RAD18: variants seen among roughly 807,000 people sequenced by gnomAD.
RAD18 encodes RAD18 E3 ubiquitin protein ligase, also known as E3 ubiquitin-protein ligase RAD18.
In RAD18, 47 loss-of-function variants were observed where a neutral mutation model predicts 60.4. That is an observed-to-expected ratio of 0.78 (90% confidence interval 0.62 to 0.99). The LOEUF (loss-of-function observed/expected upper bound fraction) is 0.99, where lower values mean the gene tolerates loss of function less well. Among genes scored for constraint, RAD18 ranks in the 50% least tolerant of loss-of-function variants. RAD18 has a pLI of 0.00. For synonymous variants in RAD18, 225 were observed against 195.5 expected (o/e 1.15, Z -1.26); for missense variants, 640 against 593.3 (o/e 1.08, Z -0.82).
intron 11 of RAD18, among the ~76,000 whole-genome samples, chr3:8,896,944 T>G (rs973249786): frequency 6.6e-6 from 1 of 152,182 alleles, no homozygotes; most frequent in African/African-American, 2.4e-5. Context: ...CTGCTGTATT[T>G]TTTTAAGGAA....
chr3:8,938,596 T>G (rs1940692627), intron 6 of RAD18, among the ~76,000 whole-genome samples: 1 of 152,186 alleles, frequency 6.6e-6, no homozygotes, highest in Non-Finnish European at 1.5e-5. Context: ...GCCTCCTGTT[T>G]CAGAAGGGTC....
chr3:8,899,255 T>C (rs1049066037), intron 10 of RAD18, among the ~76,000 whole-genome samples: 3 of 152,176 alleles, frequency 2.0e-5, no homozygotes, highest in Non-Finnish European at 4.4e-5. Context: ...TTTTCCAAGA[T>C]TAATTAGTTT....
At chr3:8,890,019 T>G (rs1223262451) in intron 12 of RAD18, 1 of 232,968 alleles carries the variant, frequency 4.3e-6, no homozygotes, top group Admixed American at 4.9e-5. Context: ...TGCTATACCC[T>G]AGAGCCCAGC....
At position 8,939,274 on chromosome 3, in the gene RAD18, A is replaced by G. The variant is rs201799148; in HGVS notation, c.704+280T>C. The stretch of plus-strand genomic sequence containing the variant: ...TTTTAAAATCTAAGAGAAAAAAACA[A>G]GTTTAAAAAGAATTGAATTTGAAGT... On this transcript the variant is annotated intron_variant, in intron 6 of 12. Transcript: ENST00000264926. 2.0e-4 allele frequency among the ~76,000 whole-genome samples: 30 copies of G among 152,314 alleles called. No homozygotes were observed. In the East Asian group the frequency reaches 5.6e-3, roughly 28 times the overall value.
intron 7 of RAD18, among the ~76,000 whole-genome samples, chr3:8,924,726 C>T (rs1302584163): frequency 7.1e-6 from 1 of 141,776 alleles, no homozygotes; most frequent in African/African-American, 2.6e-5. Context: ...GACCACAGTG[C>T]AATCAAACTA....
intron 9 of RAD18, among the ~76,000 whole-genome samples, chr3:8,907,337 A>G (rs1376554691): frequency 1.3e-5 from 2 of 152,170 alleles, no homozygotes; most frequent in Non-Finnish European, 2.9e-5. Flanking sequence ...GGCTGGAAAC[A>G]GACACCCTCT....
intron 7 of RAD18, among the ~76,000 whole-genome samples, chr3:8,920,149 T>G (rs913592565): frequency 2.8e-4 from 43 of 151,914 alleles, no homozygotes; most frequent in African/African-American, 1.0e-3. Context: ...AGGCATGGCA[T>G]GCGCCTGTAG....
chr3:8,893,805 T>G (rs1311886734), intron 11 of RAD18, among the ~76,000 whole-genome samples: 1 of 149,294 alleles, frequency 6.7e-6, no homozygotes, highest in Non-Finnish European at 1.5e-5. Context: ...CAAGGAATCC[T>G]CCCACCACAT....
chr3:8,910,416 C>T (rs7610429), intron 9 of RAD18, among the ~76,000 whole-genome samples: 4,938 of 152,040 alleles, frequency 0.032, 279 homozygotes, highest in African/African-American at 0.11. Flanking sequence ...CTGGCTAACA[C>T]GGTGAAACCC....
chr3:8,887,647 A>C (rs562605125), intron 12 of RAD18, among the ~76,000 whole-genome samples: 1 of 152,306 alleles, frequency 6.6e-6, no homozygotes, highest in South Asian at 2.1e-4. Context: ...ACTTTCAACA[A>C]ACACCCTTAG....
intron 1 of RAD18, among the ~76,000 whole-genome samples, chr3:8,961,200 T>C (rs1481639231): frequency 6.6e-6 from 1 of 152,200 alleles, no homozygotes; most frequent in African/African-American, 2.4e-5. Context: ...TTCAAATTTC[T>C]TGTCATGTCA....
chr3:8,902,486 C>T lies in RAD18; in HGVS notation c.1062G>A (p.Val354=). ...KKHKSEFQLL[V]DQARKGYKKI... is the part of the protein sequence containing the mutation. ...TCTTGTATCCTTTTCTAGCCTGATC[C>T]ACCAGAAGCTGAAATTCACTCTTAT... is the stretch of plus-strand genomic sequence containing the variant. The change falls in exon 10 of 13, where the codon GTG becomes GTA. Residue 354 remains valine, a synonymous_variant. Coordinates refer to ENST00000264926, the MANE Select transcript of RAD18 (RefSeq NM_020165.4). 2 of 1,607,796 alleles carry T rather than the reference C, an allele frequency of 1.2e-6. No homozygotes were observed. Among genetic ancestry groups the T allele is most frequent in the Non-Finnish European group, 1.7e-6 (2 of 1,177,444 alleles).
In RAD18 at chr3:8,935,933, T is replaced by C. The variant is rs1940643001; in HGVS notation, c.827A>G (p.Lys276Arg). 6.2e-7 allele frequency: 1 copy of C among 1,612,488 alleles called. No homozygotes were observed. The highest frequency in any genetic ancestry group is 8.5e-7 in the Non-Finnish European group (1 of 1,179,040). Reference sequence around the variant, plus strand: ...CATGTGTACAAATTCTTGGTGCCTTTTAATGAGCTGTTGTTTATTTCCTTG... The same window carrying C: ...CATGTGTACAAATTCTTGGTGCCTTCTAATGAGCTGTTGTTTATTTCCTTG... ...SIQGNKQQLI[K>R]RHQEFVHMYN... The change falls in exon 7 of 13, where the codon AAA becomes AGA. Residue 276 changes from lysine to arginine, a missense_variant. Coordinates refer to ENST00000264926, the MANE Select transcript of RAD18 (RefSeq NM_020165.4).
chr3:8,906,795 T>TTG (rs386395909), intron 9 of RAD18, among the ~76,000 whole-genome samples: 11 of 10,210 alleles, frequency 1.1e-3, no homozygotes, highest in South Asian at 0.029. Flanking sequence ...GGGGAAACAG[T>TTG]TTTTTTTTTT....
chr3:8,905,760 A>G (rs1370525751), intron 9 of RAD18, among the ~76,000 whole-genome samples: 1 of 152,176 alleles, frequency 6.6e-6, no homozygotes, highest in Admixed American at 6.5e-5. Context: ...TTCTCTAGTA[A>G]AGTTTGCTCT....
chr3:8,956,425 G>C (rs1941010642), intron 2 of RAD18, among the ~76,000 whole-genome samples: 1 of 152,120 alleles, frequency 6.6e-6, no homozygotes, highest in Non-Finnish European at 1.5e-5. Flanking sequence ...TTCCCATCCT[G>C]GGCAGGACGG....
chr3:8,939,817 G>C (rs940014396), intron 5 of RAD18, among the ~76,000 whole-genome samples, 164 bp from the exon 6 acceptor site: 5 of 152,156 alleles, frequency 3.3e-5, no homozygotes, highest in South Asian at 2.1e-4. Context: ...CAACAGGAGT[G>C]GGACAGACTG....
rs184558744 is a variant in RAD18, at chr3:8,912,531, T to C, written c.967-159A>G. On this transcript the variant is annotated intron_variant, in intron 8 of 12. Coordinates refer to ENST00000264926, the MANE Select transcript of RAD18 (RefSeq NM_020165.4). ...CTAGGAAGAATCATTCCTATGTACT[T>C]CCCTTAAATACCAGAAATGGTATAC... 6.9e-4 allele frequency: 308 copies of C among 443,338 alleles called. 1 individual carries two copies. The highest frequency in any genetic ancestry group is 5.2e-3 in the South Asian group (89 of 17,010). The allele number at this position is 443,338 out of a possible 1,614,324, so 27.5% of individuals were successfully genotyped here.
At chr3:8,941,113 G>A (rs1574822473) in intron 5 of RAD18, among the ~76,000 whole-genome samples, 1 of 152,190 alleles carries the variant, frequency 6.6e-6, no homozygotes. Flanking sequence ...GCAGAACAGT[G>A]AGGAGGCATT....
Sources: allele counts gnomAD v4.1 joint callset (sites outside exome capture counted in the v4.1 genomes callset), GRCh38; gene constraint gnomAD v4.1.1; transcripts MANE v1.5; gene names NCBI Gene and HGNC (gene_info 2026-07-23, HGNC 2026-07-21).